The following TMEM108 variants were observed in gnomAD, a reference collection of about 807,000 sequenced individuals.
The protein encoded by TMEM108 is transmembrane protein 108.
A neutral mutation model predicts 35.1 loss-of-function variants in TMEM108; 12 were observed. That is an observed-to-expected ratio of 0.34 (90% CI 0.22 to 0.55). The LOEUF is 0.55. Ranked by LOEUF, TMEM108 falls within the 20% of genes least tolerant of loss-of-function variation. TMEM108 has a pLI of 0.89. For missense variants in TMEM108, 680 were observed against 753.3 expected (o/e 0.90, Z 1.14); for synonymous variants, 287 against 308.6 (o/e 0.93, Z 0.73).
chr3:133,314,557 T>A (rs2071173212), intron 3 of TMEM108, among the ~76,000 whole-genome samples: 1 of 152,220 alleles, frequency 6.6e-6, no homozygotes, highest in Non-Finnish European at 1.5e-5. Context: ...CCAAGTCACT[T>A]TTGCCTCTAA....
At chr3:133,315,606 C>T (rs2071189358) in intron 3 of TMEM108, among the ~76,000 whole-genome samples, 1 of 152,236 alleles carries the variant, frequency 6.6e-6, no homozygotes, top group African/African-American at 2.4e-5. Context: ...CTTCCAGGCT[C>T]ACAGCTACCC....
At chr3:133,047,544 G>A (rs910330169) in intron 2 of TMEM108, among the ~76,000 whole-genome samples, 7 of 152,166 alleles carry the variant, frequency 4.6e-5, no homozygotes, top group Admixed American at 4.6e-4. Flanking sequence ...CAATTCTTGT[G>A]TGGAGTGTCC....
chr3:133,301,620 A>G (rs1947226495), intron 3 of TMEM108, among the ~76,000 whole-genome samples: 1 of 152,190 alleles, frequency 6.6e-6, no homozygotes, highest in Non-Finnish European at 1.5e-5. Flanking sequence ...TTAACAATGC[A>G]TATTTAGGAG....
intron 2 of TMEM108, among the ~76,000 whole-genome samples, chr3:133,164,306 T>C (rs1421526313): frequency 1.3e-5 from 2 of 152,170 alleles, no homozygotes; most frequent in Non-Finnish European, 2.9e-5. Context: ...TGACTAAGGA[T>C]AGTTCTTCAG....
intron 3 of TMEM108, among the ~76,000 whole-genome samples, chr3:133,295,584 T>C (rs911002180): frequency 1.3e-5 from 2 of 152,188 alleles, no homozygotes; most frequent in Non-Finnish European, 2.9e-5. Flanking sequence ...AGAGCAGAAG[T>C]GTGCAGTGAC....
chr3:133,114,597 G>T lies in TMEM108; in HGVS notation c.-47+68577G>T, dbSNP rs993797671. On this transcript the variant is annotated intron_variant, in intron 2 of 5. Transcript: ENST00000321871. ...ATGCCAGCATTTGTCACACTTGCTT[G>T]ATTTGATTCCCTGCCTCCTGCCTTT... Among the ~76,000 whole-genome samples, 6 of 152,152 alleles carry T rather than the reference G, an allele frequency of 3.9e-5. 1 individual carries two copies. Among genetic ancestry groups the T allele is most frequent in the Admixed American group, 2.0e-4 (3 of 15,268 alleles).
intron 2 of TMEM108, among the ~76,000 whole-genome samples, chr3:133,120,019 A>T (rs954298792): frequency 6.6e-6 from 1 of 152,204 alleles, no homozygotes; most frequent in African/African-American, 2.4e-5. Context: ...GAGGAATGTA[A>T]TTAGTTATTT....
In TMEM108 at chr3:133,177,557, G is replaced by A. The variant is rs561288293; in HGVS notation, c.-46-51709G>A. ...AATCCAGCATATAAACAGAACCAAC[G>A]ACAAAAACCACATGATTATCTCAAT... On this transcript the variant is annotated intron_variant, in intron 2 of 5. Coordinates refer to ENST00000321871, the MANE Select transcript of TMEM108 (RefSeq NM_023943.4). Among the ~76,000 whole-genome samples the A allele has an allele frequency of 4.9e-3, 741 of 152,170 alleles. 4 individuals carry two copies. The highest frequency in any genetic ancestry group is 8.0e-3 in the Non-Finnish European group (546 of 68,006).
At chr3:133,064,683 T>C (rs1428540690) in intron 2 of TMEM108, among the ~76,000 whole-genome samples, 1 of 151,964 alleles carries the variant, frequency 6.6e-6, no homozygotes, top group Non-Finnish European at 1.5e-5. Flanking sequence ...CAAATGGGAA[T>C]ATAAAGGTTG....
At chr3:133,224,641 G>A (rs752952866) in intron 2 of TMEM108, among the ~76,000 whole-genome samples, 1 of 151,994 alleles carries the variant, frequency 6.6e-6, no homozygotes, top group Admixed American at 6.6e-5. Context: ...TCTCTTGCCC[G>A]CTGCCATGTA....
At chr3:133,154,027 CT>C (rs11434642) in intron 2 of TMEM108, among the ~76,000 whole-genome samples, 2 of 150,720 alleles carry the variant, frequency 1.3e-5, no homozygotes, top group Non-Finnish European at 3.0e-5. Flanking sequence ...AATTAGTAGA[CT>C]TTTTTTTTCG....
intron 1 of TMEM108, among the ~76,000 whole-genome samples, chr3:133,039,945 G>A (rs569727760): frequency 3.3e-5 from 5 of 152,234 alleles, no homozygotes; most frequent in African/African-American, 1.2e-4. Context: ...TACTAGGCAA[G>A]ATAAATATAT....
chr3:133,122,917 A>C (rs1024765220), intron 2 of TMEM108, among the ~76,000 whole-genome samples: 1 of 152,182 alleles, frequency 6.6e-6, no homozygotes, highest in Non-Finnish European at 1.5e-5. Context: ...AGGTGGAAAT[A>C]AAAGTTTTCC....
At chr3:133,338,689 C>T (rs1291699549) in intron 3 of TMEM108, among the ~76,000 whole-genome samples, 4 of 152,138 alleles carry the variant, frequency 2.6e-5, no homozygotes, top group Admixed American at 6.5e-5. Context: ...GTGTAAACTG[C>T]TCATATCTTA....
At chr3:133,291,794 C>G (rs575830100) in intron 3 of TMEM108, among the ~76,000 whole-genome samples, 1 of 152,148 alleles carries the variant, frequency 6.6e-6, no homozygotes, top group African/African-American at 2.4e-5. Context: ...TACCTGGAGC[C>G]GTTTCAACTC....
chr3:133,217,866 A>G (rs1392274950), intron 2 of TMEM108, among the ~76,000 whole-genome samples: 3 of 151,646 alleles, frequency 2.0e-5, no homozygotes. Flanking sequence ...ATGCCTCCAT[A>G]TTTGTTCTTT....
intron 2 of TMEM108, among the ~76,000 whole-genome samples, chr3:133,078,162 C>T (rs753053066): frequency 0.12 from 3,578 of 30,328 alleles, 73 homozygotes; most frequent in African/African-American, 0.13. Flanking sequence ...TGTGTGTGCA[C>T]GCGCGCGCGC....
chr3:133,257,269 A>G (rs911427595), intron 3 of TMEM108: 1 of 152,226 alleles, frequency 6.6e-6, no homozygotes, highest in African/African-American at 2.4e-5. Context: ...TAGACTTGTA[A>G]CCAATCCAAG....
At chr3:133,374,211 G>A (rs2072763889) in intron 3 of TMEM108, among the ~76,000 whole-genome samples, 1 of 152,098 alleles carries the variant, frequency 6.6e-6, no homozygotes, top group Non-Finnish European at 1.5e-5. Context: ...TCAAAGGGAG[G>A]GGAAACAGAC....
Sources: allele counts gnomAD v4.1 joint callset (sites outside exome capture counted in the v4.1 genomes callset), GRCh38; gene constraint gnomAD v4.1.1; transcripts MANE v1.5; gene names NCBI Gene and HGNC (gene_info 2026-07-23, HGNC 2026-07-21).